The following CNTLN variants were observed in gnomAD, a reference collection of about 807,000 sequenced individuals.
The protein encoded by CNTLN is centlein, centrosomal protein.
In CNTLN, 212 loss-of-function variants were observed where a neutral mutation model predicts 180.0. That is an observed-to-expected ratio of 1.18 (90% CI 1.05 to 1.32). The LOEUF (loss-of-function observed/expected upper bound fraction) is 1.32, where lower values mean the gene tolerates loss of function less well. CNTLN is among the 40% of genes most tolerant of loss of function. The pLI, the probability that CNTLN is intolerant of heterozygous loss-of-function variation, is 0.00. For missense variants in CNTLN, 2,095 were observed against 1,610.9 expected (o/e 1.30, Z -5.14); for synonymous variants, 722 against 563.1 (o/e 1.28, Z -3.99).
chr9:17,409,547 A>C, intron 16 of CNTLN, 74 bp downstream of exon 16: 1 of 1,060,708 alleles, frequency 9.4e-7, no homozygotes, highest in Non-Finnish European at 1.3e-6. Context: ...TTAAGTAAAT[A>C]AATGTTACTA....
intron 16 of CNTLN, among the ~76,000 whole-genome samples, 194 bp from the exon 17 acceptor site, chr9:17,415,593 GC>G (rs1640392744): frequency 6.6e-6 from 1 of 151,684 alleles, no homozygotes; most frequent in Non-Finnish European, 1.5e-5. Flanking sequence ...TTTGTAAGAG[GC>G]AGTCTTGCTC....
At chr9:17,241,218 T>C (rs1379735992) in intron 5 of CNTLN, among the ~76,000 whole-genome samples, 4 of 152,166 alleles carry the variant, frequency 2.6e-5, no homozygotes, top group African/African-American at 7.2e-5. Flanking sequence ...CTTTAATCCA[T>C]TGTGATTTGA....
intron 13 of CNTLN, among the ~76,000 whole-genome samples, chr9:17,372,569 C>G (rs904065760): frequency 6.6e-6 from 1 of 152,118 alleles, no homozygotes; most frequent in Non-Finnish European, 1.5e-5. Context: ...TAACTCCAAT[C>G]CTACTCAAGC....
chr9:17,397,142 G>A lies in CNTLN; in HGVS notation c.2615+2073G>A, dbSNP rs1826596159. Among the ~76,000 whole-genome samples the A allele has an allele frequency of 2.0e-5, 3 of 151,988 alleles. No individual in the cohort carries two copies. In the South Asian group the frequency reaches 6.2e-4, roughly 32 times the overall value. Reference sequence around the variant, plus strand: ...TGTATGAATAAATAATCAATAGTTAGGTAATTCACTAATATACTTTTTAAA... The same window carrying A: ...TGTATGAATAAATAATCAATAGTTAAGTAATTCACTAATATACTTTTTAAA... On this transcript the variant is annotated intron_variant, in intron 15 of 25. Coordinates refer to ENST00000380647, the MANE Select transcript of CNTLN (RefSeq NM_017738.4).
intron 5 of CNTLN, among the ~76,000 whole-genome samples, chr9:17,239,170 C>T (rs372319130): frequency 7.9e-5 from 12 of 152,126 alleles, no homozygotes; most frequent in African/African-American, 2.4e-4. Flanking sequence ...AGGCAAATTA[C>T]TACAGGCGCG....
At chr9:17,174,362 G>T (rs893714509) in intron 2 of CNTLN, among the ~76,000 whole-genome samples, 1 of 152,182 alleles carries the variant, frequency 6.6e-6, no homozygotes, top group Non-Finnish European at 1.5e-5. Flanking sequence ...GGCCAGGAGT[G>T]TAATTGCTGG....
intron 5 of CNTLN, among the ~76,000 whole-genome samples, chr9:17,239,294 G>GACGGTGAGCATCTTTTCATGTATT (rs1375519950): frequency 1.3e-5 from 2 of 152,198 alleles, no homozygotes; most frequent in African/African-American, 4.8e-5. Context: ...GATGGGAAAT[G>GACGGTGAGCATCTTTTCATGTATT]ACGGTGAGCA....
intron 13 of CNTLN, among the ~76,000 whole-genome samples, chr9:17,386,515 C>T (rs7023305): frequency 0.81 from 123,799 of 152,124 alleles, 50,922 homozygotes; most frequent in Non-Finnish European, 0.87. Flanking sequence ...TGGTTTATTT[C>T]CCAAATCCTG....
chr9:17,198,927 C>T (rs1822324622), intron 2 of CNTLN, among the ~76,000 whole-genome samples: 1 of 152,046 alleles, frequency 6.6e-6, no homozygotes, highest in Non-Finnish European at 1.5e-5. Context: ...TCCAGTGTAT[C>T]ATTGATGTGC....
intron 20 of CNTLN, 23 bp from the exon 21 acceptor site, chr9:17,464,474 A>ATG (rs758023190): frequency 6.5e-7 from 1 of 1,530,170 alleles, no homozygotes. Flanking sequence ...GTCACTCTTG[A>ATG]TGTCACCTTT....
Position 17,298,554 on chromosome 9 carries a change from T to A in CNTLN, c.1146+202T>A. The A allele has an allele frequency of 9.0e-6, 11 of 1,225,818 alleles. No homozygotes were observed. In the South Asian group the frequency reaches 2.7e-4, roughly 30 times the overall value. The allele number at this position is 1,225,818 out of a possible 1,614,324, so 75.9% of individuals were successfully genotyped here. A position where few individuals can be genotyped will look rare whatever the true frequency, so the allele number is the denominator to read the frequency against. On this transcript the variant is annotated intron_variant, in intron 7 of 25. Coordinates refer to ENST00000380647, the MANE Select transcript of CNTLN (RefSeq NM_017738.4). The stretch of plus-strand genomic sequence containing the variant: ...TTTCTTTATGGTAATTAGAGCTGAA[T>A]CACTTAAAATATAGATACAAACTTA...
chr9:17,391,496 A>C lies in CNTLN; in HGVS notation c.2080-3038A>C, dbSNP rs186686608. 1.3e-5 allele frequency among the ~76,000 whole-genome samples: 2 copies of C among 152,248 alleles called. 1 individual carries two copies. Among genetic ancestry groups the C allele is most frequent in the East Asian group, 3.9e-4 (2 of 5,164 alleles). ...GACCTTCAATTTAAGGTACTTGGCA[A>C]GCCAAAGTGACATACTTTGGTGTGT... On this transcript the variant is annotated intron_variant, in intron 14 of 25. Coordinates refer to ENST00000380647, the MANE Select transcript of CNTLN (RefSeq NM_017738.4).
chr9:17,341,040 T>A, intron 11 of CNTLN, 92 bp downstream of exon 11: 1 of 1,184,040 alleles, frequency 8.4e-7, no homozygotes, highest in Non-Finnish European at 1.1e-6. Context: ...TGTTTGGTTT[T>A]AAAGAAATTA....
intron 12 of CNTLN, among the ~76,000 whole-genome samples, chr9:17,355,716 C>G (rs1403290912): frequency 6.6e-6 from 1 of 152,086 alleles, no homozygotes; most frequent in African/African-American, 2.4e-5. Flanking sequence ...TGATTATGTG[C>G]AATAATTAAT....
chr9:17,287,176 G>A (rs368296812), intron 6 of CNTLN, among the ~76,000 whole-genome samples: 6 of 147,032 alleles, frequency 4.1e-5, no homozygotes, highest in African/African-American at 7.6e-5. Context: ...TTTGAAATAC[G>A]TCCCATCAAT....
the CNTLN span, among the ~76,000 whole-genome samples, chr9:17,521,496 CTT>C: frequency 1.3e-5 from 2 of 152,166 alleles, no homozygotes; most frequent in Non-Finnish European, 2.9e-5. Flanking sequence ...CGAATTCACT[CTT>C]GAGTATGTCT....
At chr9:17,226,908 CTT>C (rs1013675751) in intron 3 of CNTLN, among the ~76,000 whole-genome samples, 1 of 151,108 alleles carries the variant, frequency 6.6e-6, no homozygotes. Context: ...GTGCCACAGA[CTT>C]TTTTTTAATT....
At chr9:17,418,439 A>T (rs1382656967) in intron 18 of CNTLN, among the ~76,000 whole-genome samples, 1 of 151,940 alleles carries the variant, frequency 6.6e-6, no homozygotes, top group East Asian at 1.9e-4. Context: ...TAACATAATA[A>T]CCAAAGCTTG....
rs149685031 is a variant in CNTLN at position 17,392,701 on chromosome 9, G to T, written c.2080-1833G>T. ...ATGGAATAGAAGTGATTAAAATTAG[G>T]TGAGATTCTTCATACTGTGTTGAGA... On this transcript the variant is annotated intron_variant, in intron 14 of 25. Transcript: ENST00000380647. Among the ~76,000 whole-genome samples, 1,107 of 152,128 alleles carry T rather than the reference G, an allele frequency of 7.3e-3. 14 individuals are homozygous for T. The highest frequency in any genetic ancestry group is 0.028 in the Admixed American group (430 of 15,274).
Sources: allele counts gnomAD v4.1 joint callset (sites outside exome capture counted in the v4.1 genomes callset), GRCh38; gene constraint gnomAD v4.1.1; transcripts MANE v1.5; gene names NCBI Gene and HGNC (gene_info 2026-07-23, HGNC 2026-07-21).